WNT2B: variants seen among roughly 807,000 people sequenced by gnomAD.
The protein encoded by WNT2B is Wnt family member 2B, also known as protein Wnt-2b.
In WNT2B, 19 loss-of-function variants were observed where a neutral mutation model predicts 40.5. That is an observed-to-expected ratio of 0.47 (90% CI 0.33 to 0.69). WNT2B has a LOEUF of 0.69. WNT2B is among the 30% of genes least tolerant of loss of function. The pLI is 0.02. For synonymous variants in WNT2B, 220 were observed against 211.9 expected (o/e 1.04, Z -0.33); for missense variants, 467 against 556.4 (o/e 0.84, Z 1.62).
Position 112,484,461 on chromosome 1 carries a change from G to A in WNT2B, c.-95+16870G>A, listed in dbSNP as rs1207647278. Among the ~76,000 whole-genome samples the A allele has an allele frequency of 4.7e-5, 7 of 150,342 alleles. No individual in the cohort carries two copies. In the East Asian group the frequency reaches 1.2e-3, roughly 25 times the overall value. ...TTTTTTTTTTGTTTTTGTTTTTGTA[G>A]AGACAAGGTTTCACTACATTGCCTA... On this transcript the variant is annotated intron_variant, in intron 1 of 4. Transcript: ENST00000256640.
chr1:112,466,564 C>T (rs1286861625), exon 1 of WNT2B: 1 of 152,156 alleles, frequency 6.6e-6, no homozygotes, highest in East Asian at 1.9e-4. Flanking sequence ...AACCACCTCA[C>T]AGCATTGTTG....
chr1:112,471,681 T>C (rs1049539245), intron 1 of WNT2B, among the ~76,000 whole-genome samples: 9 of 152,170 alleles, frequency 5.9e-5, no homozygotes. Context: ...CATAATGACA[T>C]GAAGCAGCAG....
At chr1:112,485,514 A>T (rs1435088754) in intron 1 of WNT2B, among the ~76,000 whole-genome samples, 1 of 152,190 alleles carries the variant, frequency 6.6e-6, no homozygotes, top group Non-Finnish European at 1.5e-5. Flanking sequence ...TTGGAATAGA[A>T]ATAAAGAACT....
rs552555244 is a variant in WNT2B at position 112,521,600 on chromosome 1, T to G, written c.*1091T>G. The G allele has an allele frequency of 8.5e-5, 13 of 152,370 alleles. No homozygotes were observed. The highest frequency in any genetic ancestry group is 3.1e-4 in the African/African-American group (13 of 41,536). The allele number at this position is 152,370 out of a possible 1,614,324, so 9.4% of individuals were successfully genotyped here. ...GGAGTACTGCAGGTTGGGGCCAAAG[T>G]GATACACAGCTTAGAAGGCAGCCTT... On this transcript the variant is annotated 3_prime_UTR_variant, in exon 5 of 5. Transcript: ENST00000369684.
chr1:112,513,599 C>G (rs1222894094), intron 1 of WNT2B, among the ~76,000 whole-genome samples: 1 of 152,174 alleles, frequency 6.6e-6, no homozygotes, highest in African/African-American at 2.4e-5. Flanking sequence ...TTCCCCTCCC[C>G]ACACCAGCTG....
chr1:112,488,713 G>A (rs538620520), intron 1 of WNT2B, among the ~76,000 whole-genome samples: 19 of 151,708 alleles, frequency 1.3e-4, no homozygotes, highest in East Asian at 9.7e-4. Context: ...CACCATGCCC[G>A]GCTAATTTTT....
Position 112,520,602 on chromosome 1 carries a change from TG to T in WNT2B, c.*96del. On this transcript the variant is annotated 3_prime_UTR_variant, in exon 5 of 5. Coordinates refer to ENST00000369684, the MANE Select transcript of WNT2B (RefSeq NM_024494.3). ...GCACACCTTCCTCCACCCTCCACCCTGGGCTGCTACCGCTTCTATTTAAGGA... is the reference window on the plus strand; with the variant it reads ...GCACACCTTCCTCCACCCTCCACCCTGGCTGCTACCGCTTCTATTTAAGGA... The T allele has an allele frequency of 1.5e-6, 2 of 1,299,916 alleles. No homozygotes were observed. Among genetic ancestry groups the T allele is most frequent in the Non-Finnish European group, 2.2e-6 (2 of 925,986 alleles). 80.5% of individuals were successfully genotyped at this position (1,299,916 alleles called of 1,614,324 possible). A position where few individuals can be genotyped will look rare whatever the true frequency, so the allele number is the denominator to read the frequency against.
intron 1 of WNT2B, among the ~76,000 whole-genome samples, chr1:112,479,811 C>T (rs904981784): frequency 1.3e-5 from 2 of 151,842 alleles, no homozygotes; most frequent in African/African-American, 2.4e-5. Flanking sequence ...CCTGGGTTCA[C>T]ACCATTCTCC....
At chr1:112,488,939 C>G (rs1651508808) in intron 1 of WNT2B, among the ~76,000 whole-genome samples, 1 of 152,070 alleles carries the variant, frequency 6.6e-6, no homozygotes. Context: ...ATCCTCCCAC[C>G]TAGGCCTCCC....
intron 1 of WNT2B, among the ~76,000 whole-genome samples, chr1:112,469,921 A>G (rs368084618): frequency 1.4e-3 from 213 of 152,226 alleles, no homozygotes; most frequent in Middle Eastern, 6.8e-3. Flanking sequence ...GCCTATTTAT[A>G]TCTTCTTGTA....
chr1:112,525,877 C>G lies in WNT2B; in HGVS notation c.*5368C>G. On this transcript the variant is annotated 3_prime_UTR_variant, in exon 5 of 5. Transcript: ENST00000369684. ...TAGGAATAACAATATTCATAAGAAG[C>G]TTTTTCATATGCAAAATGCTTTAGC... The G allele has an allele frequency of 1.6e-6, 2 of 1,243,924 alleles. No individual in the cohort carries two copies. The highest frequency in any genetic ancestry group is 5.2e-5 in the East Asian group (2 of 38,468). The allele number at this position is 1,243,924 out of a possible 1,614,324, so 77.1% of individuals were successfully genotyped here. A position where few individuals can be genotyped will look rare whatever the true frequency, so the allele number is the denominator to read the frequency against.
At position 112,523,883 on chromosome 1, in the gene WNT2B, T is replaced by C. The variant is rs1380893058; in HGVS notation, c.*3374T>C. 6.6e-6 allele frequency: 1 copy of C among 152,014 alleles called. No individual in the cohort carries two copies. The highest frequency in any genetic ancestry group is 1.5e-5 in the Non-Finnish European group (1 of 68,004). The allele number at this position is 152,014 out of a possible 1,614,324, so 9.4% of individuals were successfully genotyped here. Reference sequence around the variant, plus strand: ...AATGTAAAAGTAAGAATGCCAGCCTTAACCTAGCCCTGCAGATAAAAGCTA... The same window carrying C: ...AATGTAAAAGTAAGAATGCCAGCCTCAACCTAGCCCTGCAGATAAAAGCTA... On this transcript the variant is annotated 3_prime_UTR_variant, in exon 5 of 5. Transcript: ENST00000369684.
intron 1 of WNT2B, among the ~76,000 whole-genome samples, chr1:112,500,496 G>A (rs1423615459): frequency 6.6e-6 from 1 of 152,164 alleles, no homozygotes; most frequent in Non-Finnish European, 1.5e-5. Context: ...TAGGCCAGGT[G>A]CAGTAGCTCA....
chr1:112,490,599 C>G lies in WNT2B; in HGVS notation c.-95+23008C>G, dbSNP rs528066049. Among the ~76,000 whole-genome samples the G allele has an allele frequency of 1.6e-4, 25 of 151,776 alleles. No homozygotes were observed. In the South Asian group the frequency reaches 5.0e-3, roughly 30 times the overall value. ...CCGCCTCCCGGGTTCACGCCATTCT[C>G]CTGCCTCAGCCTCCCTAGTAGCTGG... On this transcript the variant is annotated intron_variant, in intron 1 of 4. Transcript: ENST00000256640.
At chr1:112,504,167 C>T (rs543735344), upstream of WNT2B, among the ~76,000 whole-genome samples, 4 of 152,196 alleles carry the variant, frequency 2.6e-5, no homozygotes, top group Non-Finnish European at 4.4e-5. Context: ...CTGGGCCACC[C>T]GCCCGGAATG....
At chr1:112,510,144 A>AC (rs1369866453) in intron 1 of WNT2B, among the ~76,000 whole-genome samples, 1 of 150,490 alleles carries the variant, frequency 6.6e-6, no homozygotes, top group African/African-American at 2.5e-5. Flanking sequence ...ATACTAAGAG[A>AC]CCCCCTCCCC....
rs1448466823 is a variant in WNT2B, at chr1:112,524,488, GAC to G, written c.*3983_*3984del. The stretch of plus-strand genomic sequence containing the variant: ...CTGGGCCTTGTGGAGAGAGGTGCCA[GAC>G]ACAGAGTTCTCCGTAAGCAATCCTG... On this transcript the variant is annotated 3_prime_UTR_variant, in exon 5 of 5. Coordinates refer to ENST00000369684, the MANE Select transcript of WNT2B (RefSeq NM_024494.3). 1 of 152,802 alleles carries G rather than the reference GAC, an allele frequency of 6.5e-6. No homozygotes were observed. Among genetic ancestry groups the G allele is most frequent in the Non-Finnish European group, 1.5e-5 (1 of 68,212 alleles). 9.5% of individuals were successfully genotyped at this position (152,802 alleles called of 1,614,324 possible).
intron 1 of WNT2B, among the ~76,000 whole-genome samples, chr1:112,488,192 G>T (rs946133597): frequency 3.3e-5 from 5 of 151,948 alleles, no homozygotes; most frequent in Non-Finnish European, 5.9e-5. Flanking sequence ...CAGCTATTTG[G>T]GAGGCTGAGG....
At chr1:112,493,416 G>A (rs544316453) in intron 1 of WNT2B, among the ~76,000 whole-genome samples, 1 of 152,124 alleles carries the variant, frequency 6.6e-6, no homozygotes, top group South Asian at 2.1e-4. Context: ...CCAGGAGTTC[G>A]AGACCAGCCT....
Sources: gnomAD v4.1 joint callset for allele counts (sites outside exome capture counted in the v4.1 genomes callset) on GRCh38, gnomAD v4.1.1 for gene constraint, MANE v1.5 for transcripts, NCBI Gene and HGNC (gene_info 2026-07-23, HGNC 2026-07-21) for gene names.